The following PROM1 variants were observed in gnomAD, a reference collection of about 807,000 sequenced individuals.
The protein encoded by PROM1 is prominin 1, also known as prominin-1.
A neutral mutation model predicts 116.9 loss-of-function variants in PROM1; 105 were observed. The observed-to-expected ratio is 0.90, with a 90% CI of 0.77 to 1.06. The LOEUF (loss-of-function observed/expected upper bound fraction) is 1.06. PROM1 is among the 50% of genes least tolerant of loss of function. The pLI is 0.00. For synonymous variants in PROM1, 393 were observed against 387.0 expected, an observed-to-expected ratio of 1.02 and a Z score of -0.18; for missense variants, 1,122 against 1,045.2, an observed-to-expected ratio of 1.07 and a Z score of -1.01.
rs1578022863 is a variant in PROM1, at chr4:16,013,200, C to T, written c.1141+75G>A. ...AACTGTTTTTTTAAGAGGAAAAGAA[C>T]AATGCAATACTTGGCAACACATTTC... On this transcript the variant is annotated intron_variant, in intron 11 of 27. Transcript: ENST00000447510. 17 of 1,159,000 alleles carry T rather than the reference C, an allele frequency of 1.5e-5. No individual in the cohort carries two copies. The East Asian group carries it at 3.6e-4, about 24-fold the overall frequency. 71.8% of individuals were successfully genotyped at this position (1,159,000 alleles called of 1,614,324 possible).
chr4:16,000,512 C>T lies in PROM1; in HGVS notation c.1562G>A (p.Ser521Asn). ...VEKLICEPYT[S>N]KELFRVLDTP... ...CATATTTACCCGGAATAATTCCTTG[C>T]TCGTGTAAGGTTCACAGATCAGTTT... The change falls in exon 14 of 28, where the codon AGC becomes AAC. Residue 521 changes from serine to asparagine, a missense_variant. Physicochemically the swap from Ser to Asn is conservative, Grantham distance 46. Coordinates refer to ENST00000447510, the MANE Select transcript of PROM1 (RefSeq NM_006017.3). 6.3e-7 allele frequency: 1 copy of T among 1,592,654 alleles called. No individual in the cohort carries two copies.
chr4:16,031,109 T>C (rs1450461841), intron 5 of PROM1, among the ~76,000 whole-genome samples: 2 of 152,188 alleles, frequency 1.3e-5, no homozygotes, highest in Non-Finnish European at 2.9e-5. Context: ...CTTATTCAGG[T>C]AAATAAATAA....
intron 5 of PROM1, among the ~76,000 whole-genome samples, chr4:16,031,334 A>C (rs1732653217): frequency 6.6e-6 from 1 of 151,948 alleles, no homozygotes; most frequent in African/African-American, 2.4e-5. Context: ...GTGGCGTGTA[A>C]GTTTCAGGCT....
chr4:16,049,454 A>C (rs575221239), intron 2 of PROM1, among the ~76,000 whole-genome samples: 3 of 152,204 alleles, frequency 2.0e-5, no homozygotes, highest in Non-Finnish European at 4.4e-5. Context: ...ATTTGTTTTA[A>C]TTAAATGTTT....
chr4:16,006,432 C>T (rs2149233364), intron 13 of PROM1, 106 bp downstream of exon 13: 17 of 1,330,714 alleles, frequency 1.3e-5, no homozygotes, highest in East Asian at 2.6e-5. Flanking sequence ...GCTGGAACCC[C>T]GCGTACGTGG....
chr4:16,075,907 A>C lies in PROM1; in HGVS notation c.-1T>G. 6.2e-7 allele frequency: 1 copy of C among 1,604,856 alleles called. No homozygotes were observed. Among genetic ancestry groups the C allele is most frequent in the Middle Eastern group, 1.7e-4 (1 of 5,910 alleles). ...ACAGGGAGCCGAGTACGAGGGCCAT[A>C]GCTAGCAAGATCCTCCAAACATGAG... On this transcript the variant is annotated 5_prime_UTR_variant, in exon 2 of 28. Coordinates refer to ENST00000447510, the MANE Select transcript of PROM1 (RefSeq NM_006017.3).
chr4:16,030,213 G>A (rs1361766506), intron 5 of PROM1, among the ~76,000 whole-genome samples: 1 of 151,934 alleles, frequency 6.6e-6, no homozygotes. Context: ...AAAAGTTCAA[G>A]GCAAAGAAGC....
rs1203366908 is a variant in PROM1 at position 16,004,832 on chromosome 4, T to TTCTTTCTTTCTTTTTTCTTCCTTC, written c.1454+1705_1454+1706insGAAGGAAGAAAAAAGAAAGAAAGA. Among the ~76,000 whole-genome samples the TTCTTTCTTTCTTTTTTCTTCCTTC allele has an allele frequency of 7.3e-5, 9 of 122,608 alleles. No homozygotes were observed. In the East Asian group the frequency reaches 7.4e-4, roughly 10 times the overall value. The allele number at this position is 122,608 out of a possible 152,430, so 80.4% of individuals were successfully genotyped here. The stretch of plus-strand genomic sequence containing the variant: ...CTTTCTTTCTTTCTTTCTTTCTTTT[T>TTCTTTCTTTCTTTTTTCTTCCTTC]CTTCCTTCCTTCCTTCCTTCCTTCC... On this transcript the variant is annotated intron_variant, in intron 13 of 27. Transcript: ENST00000447510.
intron 2 of PROM1, among the ~76,000 whole-genome samples, chr4:16,073,670 C>G (rs368472421): frequency 8.5e-5 from 13 of 152,184 alleles, no homozygotes; most frequent in African/African-American, 2.9e-4. Context: ...TTTCCTTCTC[C>G]AAGGTAATAA....
intron 2 of PROM1, among the ~76,000 whole-genome samples, chr4:16,056,454 T>C (rs1251453504): frequency 1.3e-5 from 2 of 152,132 alleles, no homozygotes; most frequent in Non-Finnish European, 2.9e-5. Context: ...GGCTATTGTA[T>C]GGAGGAGTGA....
chr4:15,988,427 T>C (rs1241446820), intron 19 of PROM1, among the ~76,000 whole-genome samples: 1 of 152,260 alleles, frequency 6.6e-6, no homozygotes, highest in Non-Finnish European at 1.5e-5. Context: ...TTAGGTTTTA[T>C]CTGCCATAGT....
In PROM1 at chr4:15,985,976, G is replaced by T; in HGVS notation, c.2192C>A (p.Thr731Asn). 7.7e-7 allele frequency: 1 copy of T among 1,293,864 alleles called. No individual in the cohort carries two copies. Among genetic ancestry groups the T allele is most frequent in the Non-Finnish European group, 1.0e-6 (1 of 986,516 alleles). 80.1% of individuals were successfully genotyped at this position (1,293,864 alleles called of 1,614,324 possible). ...DFAQNFITNNTSSVIIEETKK... is the reference protein window; with the variant it reads ...DFAQNFITNNNSSVIIEETKK... ...GCTCACCTCAATAATAACAGAGGAAGTATTGTTTGTGATGAAGTTCTGAGC... is the reference window on the plus strand; with the variant it reads ...GCTCACCTCAATAATAACAGAGGAATTATTGTTTGTGATGAAGTTCTGAGC... The change falls in exon 21 of 28, where the codon ACT becomes AAT. Residue 731 changes from threonine (T) to asparagine (N), a missense_variant. Physicochemically the swap from Thr to Asn is moderately conservative, Grantham distance 65. Transcript: ENST00000447510.
In PROM1 at chr4:16,016,177, G is replaced by A; in HGVS notation, c.1066C>T (p.Leu356=). The A allele has an allele frequency of 6.4e-7, 1 of 1,554,680 alleles. No homozygotes were observed. Among genetic ancestry groups the A allele is most frequent in the Non-Finnish European group, 8.7e-7 (1 of 1,148,276 alleles). The change falls in exon 10 of 28, where the codon CTG becomes TTG. Residue 356 remains leucine (L), a synonymous_variant. Coordinates refer to ENST00000447510, the MANE Select transcript of PROM1 (RefSeq NM_006017.3). ...NNVLRTDLDG[L]VQQGYQSLND... Reference sequence around the variant, plus strand: ...TTCCAAAAGCATACCTGTTGGACCAGGCCATCCAAATCTGTCCTAAGAACG... The same window carrying A: ...TTCCAAAAGCATACCTGTTGGACCAAGCCATCCAAATCTGTCCTAAGAACG...
At chr4:16,009,179 ACAG>A (rs1726261913) in intron 11 of PROM1, 71 bp from the exon 12 acceptor site, 1 of 1,393,422 alleles carries the variant, frequency 7.2e-7, no homozygotes, top group Non-Finnish European at 1.0e-6. Context: ...TTGGAACCAA[ACAG>A]AAAAGCCTGA....
chr4:16,036,262 C>T (rs557068051), intron 3 of PROM1, among the ~76,000 whole-genome samples: 43 of 152,248 alleles, frequency 2.8e-4, no homozygotes, highest in Non-Finnish European at 5.0e-4. Context: ...AATGTCCTTT[C>T]GTGGCAAAAT....
chr4:15,973,168 T>C (rs994458200), intron 26 of PROM1, among the ~76,000 whole-genome samples: 2 of 152,178 alleles, frequency 1.3e-5, no homozygotes, highest in Non-Finnish European at 2.9e-5. Flanking sequence ...CCTACTTCTA[T>C]CTAAGAATCT....
At position 16,025,194 on chromosome 4, in the gene PROM1, C is replaced by A. The variant is rs1730937762; in HGVS notation, c.628G>T (p.Glu210Ter). ...DLRTLLNETPEQIKYILAQYN... is the reference protein window; with the variant it reads ...DLRTLLNETP ...TACATAGAGATGATGGTTTTTACCT[C>A]TGGAGTTTCATTCAAGAGAGTTCGC... Residue 210 changes from glutamate to a stop codon, truncating the protein, a stop_gained and splice_region_variant, in exon 6 of 28, where the codon GAG (glutamate) becomes TAG (stop). Coordinates refer to ENST00000447510, the MANE Select transcript of PROM1 (RefSeq NM_006017.3). LOFTEE classifies it high-confidence loss of function. The A allele has an allele frequency of 6.2e-7, 1 of 1,613,524 alleles. No individual in the cohort carries two copies. The highest frequency in any genetic ancestry group is 1.3e-5 in the African/African-American group (1 of 74,928).
At chr4:15,970,929 G>A in intron 27 of PROM1, 114 bp downstream of exon 27, 3 of 828,858 alleles carry the variant, frequency 3.6e-6, no homozygotes, top group East Asian at 5.4e-5. Flanking sequence ...CTAATATGCT[G>A]ATCTAGATTT....
chr4:16,024,449 G>T, intron 6 of PROM1, 91 bp from the exon 7 acceptor site: 1 of 1,058,510 alleles, frequency 9.4e-7, no homozygotes, highest in South Asian at 1.8e-5. Flanking sequence ...AAGTTTTCCT[G>T]AATCAGGACA....
Sources: allele counts gnomAD v4.1 joint callset (sites outside exome capture counted in the v4.1 genomes callset), GRCh38; gene constraint gnomAD v4.1.1; transcripts MANE v1.5; gene names NCBI Gene and HGNC (gene_info 2026-07-23, HGNC 2026-07-21).